The following SPACA7 variants were observed in gnomAD, a reference collection of about 807,000 sequenced individuals.
SPACA7 encodes sperm acrosome-associated protein 7.
A neutral mutation model predicts 26.3 loss-of-function variants in SPACA7; 19 were observed. The ratio of observed to expected loss-of-function variants is 0.72; its 90% CI spans 0.50 to 1.06. SPACA7 has a LOEUF of 1.06. SPACA7 is among the 50% of genes least tolerant of loss of function. The pLI, the probability that SPACA7 is intolerant of heterozygous loss-of-function variation, is 0.00. For synonymous variants in SPACA7, 84 were observed against 84.5 expected (o/e 0.99, Z 0.04); for missense variants, 211 against 229.9 (o/e 0.92, Z 0.53).
intron 1 of SPACA7, chr13:112,378,713 C>G (rs1305512892): frequency 2.1e-6 from 1 of 471,204 alleles, no homozygotes; most frequent in Non-Finnish European, 4.4e-6. Flanking sequence ...GGATGGGGAC[C>G]CGGTGAGCCA....
At position 112,399,139 on chromosome 13, in the gene SPACA7, C is replaced by A. The variant is rs369263763; in HGVS notation, c.315C>A (p.Phe105Leu). Residue 105 changes from phenylalanine (F) to leucine (L), a missense_variant, in exon 4 of 7, where the codon TTC (phenylalanine) becomes TTA (leucine). By Grantham distance (22) the Phe-to-Leu change is conservative (BLOSUM62 0). Coordinates refer to ENST00000283550, the MANE Select transcript of SPACA7 (RefSeq NM_145248.5). ...NYHELLENLQFSPGIEVKISN... is the reference protein window; with the variant it reads ...NYHELLENLQLSPGIEVKISN... ...ATGAATTATTAGAGAATTTACAATT[C>A]TCTCCTGGCATTGAGGTCAAAATTT... 6.2e-7 allele frequency: 1 copy of A among 1,609,462 alleles called. No homozygotes were observed. The highest frequency in any genetic ancestry group is 1.7e-5 in the Admixed American group (1 of 59,990).
At chr13:112,414,499 C>G (rs1215101775) in intron 5 of SPACA7, among the ~76,000 whole-genome samples, 3 of 136,102 alleles carry the variant, frequency 2.2e-5, no homozygotes, top group Non-Finnish European at 4.6e-5. Context: ...CAACCTCTGC[C>G]TCCCAGATTC....
intron 5 of SPACA7, among the ~76,000 whole-genome samples, chr13:112,402,969 A>G (rs1171779641): frequency 1.3e-5 from 2 of 152,042 alleles, no homozygotes; most frequent in Admixed American, 1.3e-4. Context: ...TTTTAAACCT[A>G]TCTTTATCAG....
Position 112,434,024 on chromosome 13 carries a change from G to A in SPACA7, c.524-461G>A, listed in dbSNP as rs141253747. On this transcript the variant is annotated intron_variant, in intron 6 of 6. Coordinates refer to ENST00000283550, the MANE Select transcript of SPACA7 (RefSeq NM_145248.5). ...CTCTGCACTGATGAAGCTCCTGTAC[G>A]TCACCAGCACCTCTAGGTGTGGCCG... 7.1e-3 allele frequency among the ~76,000 whole-genome samples: 1,086 copies of A among 152,264 alleles called. 15 individuals are homozygous for A. Among genetic ancestry groups the A allele is most frequent in the African/African-American group, 0.025 (1,042 of 41,540 alleles).
chr13:112,385,632 T>C (rs1310030351), intron 1 of SPACA7, among the ~76,000 whole-genome samples: 2 of 152,194 alleles, frequency 1.3e-5, no homozygotes, highest in African/African-American at 4.8e-5. Context: ...CCTTAAAACA[T>C]TTAGCAAATC....
At chr13:112,382,914 G>T (rs900479199) in intron 1 of SPACA7, among the ~76,000 whole-genome samples, 5 of 151,750 alleles carry the variant, frequency 3.3e-5, no homozygotes, top group African/African-American at 1.2e-4. Context: ...AGTTGAACCT[G>T]GGAGGCAGCA....
Position 112,427,219 on chromosome 13 carries a change from C to T in SPACA7, c.446-5225C>T, listed in dbSNP as rs111557778. Among the ~76,000 whole-genome samples, 494 of 152,300 alleles carry T rather than the reference C, an allele frequency of 3.2e-3. 3 individuals are homozygous for T. Among genetic ancestry groups the T allele is most frequent in the African/African-American group, 5.7e-3 (239 of 41,566 alleles). ...TGGGCTCTGTTCCTCGAGCCTGCCA[C>T]GGGAACACAAAAGCAACGTGAACAG... On this transcript the variant is annotated intron_variant, in intron 5 of 6. Transcript: ENST00000283550.
At chr13:112,415,457 G>A (rs79352358) in intron 5 of SPACA7, among the ~76,000 whole-genome samples, 5,061 of 152,214 alleles carry the variant, frequency 0.033, 96 homozygotes, top group Middle Eastern at 0.068. Flanking sequence ...GCCTGGGGTC[G>A]GCCTAGAAAT....
At chr13:112,390,518 G>A (rs1260530088) in intron 1 of SPACA7, among the ~76,000 whole-genome samples, 1 of 152,180 alleles carries the variant, frequency 6.6e-6, no homozygotes, top group East Asian at 1.9e-4. Flanking sequence ...CTGCTATAGA[G>A]ACATACCTGA....
At chr13:112,392,253 T>C (rs888161669) in intron 1 of SPACA7, among the ~76,000 whole-genome samples, 1 of 152,082 alleles carries the variant, frequency 6.6e-6, no homozygotes, top group Non-Finnish European at 1.5e-5. Context: ...GAGAAAGCAG[T>C]GCTCAGAACC....
intron 1 of SPACA7, among the ~76,000 whole-genome samples, chr13:112,381,514 C>G (rs919176415): frequency 2.0e-5 from 3 of 150,062 alleles, no homozygotes; most frequent in Non-Finnish European, 4.4e-5. Flanking sequence ...AAAAAAAATG[C>G]AGACACGCTA....
At chr13:112,382,375 G>A in intron 1 of SPACA7, 1 of 1,523,010 alleles carries the variant, frequency 6.6e-7, no homozygotes, top group Admixed American at 2.1e-5. Flanking sequence ...TGGGACTACA[G>A]GCATGAGCCA....
chr13:112,390,144 G>A (rs1884785179), intron 1 of SPACA7, among the ~76,000 whole-genome samples: 1 of 150,670 alleles, frequency 6.6e-6, no homozygotes, highest in Admixed American at 6.6e-5. Context: ...GGGGTGGGGG[G>A]AGGAGTGGAG....
intron 5 of SPACA7, among the ~76,000 whole-genome samples, chr13:112,425,904 G>A (rs1229583680): frequency 6.6e-6 from 1 of 152,146 alleles, no homozygotes; most frequent in Non-Finnish European, 1.5e-5. Flanking sequence ...GCCAGGTCTG[G>A]GATCCCCAGG....
At chr13:112,409,764 G>T (rs1424589319) in intron 5 of SPACA7, among the ~76,000 whole-genome samples, 1 of 152,220 alleles carries the variant, frequency 6.6e-6, no homozygotes, top group Non-Finnish European at 1.5e-5. Flanking sequence ...TTACACTGTT[G>T]TTGGGACTGT....
chr13:112,410,158 T>A (rs1253751018), intron 5 of SPACA7, among the ~76,000 whole-genome samples: 1 of 151,982 alleles, frequency 6.6e-6, no homozygotes, highest in Non-Finnish European at 1.5e-5. Flanking sequence ...TAGGTGGGAA[T>A]TGAACAATGA....
intron 5 of SPACA7, among the ~76,000 whole-genome samples, chr13:112,408,961 A>G (rs1034993867): frequency 9.9e-5 from 15 of 152,202 alleles, no homozygotes. Flanking sequence ...CTGACTTCAA[A>G]CTATACTACA....
In SPACA7 at chr13:112,432,436, C is replaced by T. The variant is rs778899460; in HGVS notation, c.446-8C>T. 2.5e-6 allele frequency: 4 copies of T among 1,596,276 alleles called. No homozygotes were observed. The South Asian group carries it at 3.3e-5, about 13-fold the overall frequency. ...GAGTGATCATTGTACTTATTGTTTT[C>T]CCCACAGAAAAGAATTCAAAGAACA... On this transcript the variant is annotated splice_polypyrimidine_tract_variant and splice_region_variant and intron_variant, in intron 5 of 6. Coordinates refer to ENST00000283550, the MANE Select transcript of SPACA7 (RefSeq NM_145248.5).
intron 5 of SPACA7, among the ~76,000 whole-genome samples, chr13:112,428,586 T>TAAAACA (rs1044988996): frequency 2.6e-5 from 4 of 151,914 alleles, no homozygotes; most frequent in Admixed American, 2.0e-4. Context: ...TCTCAAAAAA[T>TAAAACA]AAAACAAAAA....
Sources: gnomAD v4.1 joint callset for allele counts (sites outside exome capture counted in the v4.1 genomes callset) on GRCh38, gnomAD v4.1.1 for gene constraint, MANE v1.5 for transcripts, NCBI Gene and HGNC (gene_info 2026-07-23, HGNC 2026-07-21) for gene names.